AVPR1A: variants seen among roughly 807,000 people sequenced by gnomAD.
AVPR1A encodes vasopressin V1a receptor.
Under a neutral mutation model 31.5 loss-of-function variants are expected in AVPR1A, and 31 were observed. That is an observed-to-expected ratio of 0.99 (90% confidence interval 0.74 to 1.33). AVPR1A has a LOEUF of 1.33. AVPR1A is among the 40% of genes most tolerant of loss of function. The pLI is 0.00. For missense variants in AVPR1A, 570 were observed against 575.2 expected (o/e 0.99, Z 0.09); for synonymous variants, 243 against 233.2 (o/e 1.04, Z -0.38).
rs778992096 is a variant in AVPR1A, at chr12:63,150,017, G to A, written c.820C>T (p.Pro274Ser). ...ATGGACTTCACGCTGCTGACACAGG[G>A]TGCGAGCAGGAACCCCTTTTGGAAG... Reference protein sequence around the residue: ...VAFQKGFLLAPCVSSVKSISR... With the variant: ...VAFQKGFLLASCVSSVKSISR... Residue 274 changes from proline to serine, a missense_variant, in exon 1 of 2, where the codon CCC becomes TCC. Pro to Ser is a moderately conservative substitution (Grantham distance 74). Transcript: ENST00000299178. This position sits in a 1 kb window ranked among gnomAD's most constrained non-coding sequence, Gnocchi z 4.9. The A allele has an allele frequency of 6.2e-7, 1 of 1,614,136 alleles. No individual in the cohort carries two copies. Among genetic ancestry groups the A allele is most frequent in the East Asian group, 2.2e-5 (1 of 44,860 alleles).
chr12:63,148,066 A>G (rs1460470824), intron 1 of AVPR1A, among the ~76,000 whole-genome samples: 1 of 152,164 alleles, frequency 6.6e-6, no homozygotes, highest in Non-Finnish European at 1.5e-5. Context: ...TATCCTAATA[A>G]CTCAGGAAAA....
chr12:63,149,794 TCTCTCACA>T (rs1395270121), intron 1 of AVPR1A, 65 bp downstream of exon 1: 17 of 1,331,844 alleles, frequency 1.3e-5, no homozygotes, highest in African/African-American at 4.9e-5. Context: ...TCTCTCTCTC[TCTCTCACA>T]CACACACACA....
chr12:63,143,255 T>C lies in AVPR1A; in HGVS notation c.*4104A>G, dbSNP rs367959622. 10 of 152,176 alleles carry C rather than the reference T, an allele frequency of 6.6e-5. No individual in the cohort carries two copies. The East Asian group carries it at 1.9e-3, about 29-fold the overall frequency. 9.4% of individuals were successfully genotyped at this position (152,176 alleles called of 1,614,324 possible). On this transcript the variant is annotated 3_prime_UTR_variant, in exon 2 of 2. Transcript: ENST00000299178. ...CAAAAATATTTCATTCATTTTATAA[T>C]ACTTTGTTTTAATTATTATTTAGAA...
rs755128316 is a variant in AVPR1A at position 63,150,802 on chromosome 12, G to T, written c.35C>A (p.Ser12Ter). 4 of 1,592,774 alleles carry T rather than the reference G, an allele frequency of 2.5e-6. No homozygotes were observed. The highest frequency in any genetic ancestry group is 8.5e-7 in the Non-Finnish European group (1 of 1,176,366). Reference protein sequence around the residue: ...RLSAGPDAGPSGNSSPWWPLA... With the variant: ...RLSAGPDAGP Reference sequence around the variant, plus strand: ...AGGCCACCATGGGCTGGAGTTGCCCGAGGGCCCCGCGTCGGGACCGGCGGA... The same window carrying T: ...AGGCCACCATGGGCTGGAGTTGCCCTAGGGCCCCGCGTCGGGACCGGCGGA... The change falls in exon 1 of 2, where the codon TCG becomes TAG. Residue 12 changes from serine (S) to a stop codon, truncating the protein, a stop_gained. Coordinates refer to ENST00000299178, the MANE Select transcript of AVPR1A (RefSeq NM_000706.5). LOFTEE classifies it high-confidence loss of function. The surrounding 1 kb of genome is among the most constrained non-coding windows in gnomAD (Gnocchi z 4.9).
At position 63,150,283 on chromosome 12, in the gene AVPR1A, T is replaced by C; in HGVS notation, c.554A>G (p.Gln185Arg). Reference protein sequence around the residue: ...WVLSFVLSTPQYFVFSMIEVN... With the variant: ...WVLSFVLSTPRYFVFSMIEVN... Reference sequence around the variant, plus strand: ...CTCGATCATGGAGAAGACGAAGTACTGCGGCGTGCTCAGCACGAAGCTCAG... The same window carrying C: ...CTCGATCATGGAGAAGACGAAGTACCGCGGCGTGCTCAGCACGAAGCTCAG... The change falls in exon 1 of 2, where the codon CAG becomes CGG. Residue 185 changes from glutamine to arginine, a missense_variant. Gln to Arg is a conservative substitution (Grantham distance 43). Transcript: ENST00000299178. The surrounding 1 kb of genome is among the most constrained non-coding windows in gnomAD (Gnocchi z 4.9). The C allele has an allele frequency of 6.2e-7, 1 of 1,613,920 alleles. No homozygotes were observed. Among genetic ancestry groups the C allele is most frequent in the Non-Finnish European group, 8.5e-7 (1 of 1,180,034 alleles).
rs751422743 is a variant in AVPR1A, at chr12:63,150,796, T to C, written c.41A>G (p.Asn14Ser). ...GGCCAGAGGCCACCATGGGCTGGAG[T>C]TGCCCGAGGGCCCCGCGTCGGGACC... ...SAGPDAGPSG[N>S]SSPWWPLATG... Residue 14 changes from asparagine to serine, a missense_variant, in exon 1 of 2, where the codon AAC (asparagine) becomes AGC (serine). Coordinates refer to ENST00000299178, the MANE Select transcript of AVPR1A (RefSeq NM_000706.5). This position sits in a 1 kb window ranked among gnomAD's most constrained non-coding sequence, Gnocchi z 4.9. 1.3e-6 allele frequency: 2 copies of C among 1,594,232 alleles called. No homozygotes were observed. The highest frequency in any genetic ancestry group is 2.2e-5 in the South Asian group (2 of 90,888).
chr12:63,144,387 T>C lies in AVPR1A; in HGVS notation c.*2972A>G, dbSNP rs1868342335. ...ATTCATCAAATGCCCAACTGATTAG[T>C]TTCTCCCTACTGGACATTTTTTATA... is the stretch of plus-strand genomic sequence containing the variant. On this transcript the variant is annotated 3_prime_UTR_variant, in exon 2 of 2. Transcript: ENST00000299178. 1 of 152,206 alleles carries C rather than the reference T, an allele frequency of 6.6e-6. No individual in the cohort carries two copies. The highest frequency in any genetic ancestry group is 2.1e-4 in the South Asian group (1 of 4,832). 9.4% of individuals were successfully genotyped at this position (152,206 alleles called of 1,614,324 possible). A position where few individuals can be genotyped will look rare whatever the true frequency, so the allele number is the denominator to read the frequency against.
intron 1 of AVPR1A, among the ~76,000 whole-genome samples, chr12:63,148,328 G>A (rs1259726219): frequency 6.6e-6 from 1 of 152,120 alleles, no homozygotes; most frequent in East Asian, 1.9e-4. Flanking sequence ...ACCTTTCACA[G>A]TGGAGCTACA....
At chr12:63,149,200 G>A (rs1018183929) in intron 1 of AVPR1A, among the ~76,000 whole-genome samples, 1 of 152,046 alleles carries the variant, frequency 6.6e-6, no homozygotes, top group Non-Finnish European at 1.5e-5. Flanking sequence ...CAATAATTCT[G>A]CTTTGAAATA....
In AVPR1A at chr12:63,149,974, C is replaced by A. The variant is rs762498670; in HGVS notation, c.863G>T (p.Arg288Leu). The A allele has an allele frequency of 1.2e-6, 2 of 1,614,140 alleles. No individual in the cohort carries two copies. Among genetic ancestry groups the A allele is most frequent in the South Asian group, 2.2e-5 (2 of 91,080 alleles). ...GATCACAAAAGTCATCTTCACCGTGCGGATCTTGGCCCGGGAAATGGACTT... is the reference window on the plus strand; with the variant it reads ...GATCACAAAAGTCATCTTCACCGTGAGGATCTTGGCCCGGGAAATGGACTT... Reference protein sequence around the residue: ...SVKSISRAKIRTVKMTFVIVT... With the variant: ...SVKSISRAKILTVKMTFVIVT... The change falls in exon 1 of 2, where the codon CGC (arginine) becomes CTC (leucine). Residue 288 changes from arginine (R) to leucine (L), a missense_variant. Transcript: ENST00000299178.
chr12:63,150,991 C>T lies in AVPR1A; in HGVS notation c.-155G>A. The T allele has an allele frequency of 1.7e-6, 2 of 1,161,026 alleles. No individual in the cohort carries two copies. The highest frequency in any genetic ancestry group is 2.3e-6 in the Non-Finnish European group (2 of 852,056). 71.9% of individuals were successfully genotyped at this position (1,161,026 alleles called of 1,614,324 possible). On this transcript the variant is annotated 5_prime_UTR_variant, in exon 1 of 2. Transcript: ENST00000299178. This position sits in a 1 kb window ranked among gnomAD's most constrained non-coding sequence, Gnocchi z 4.9. ...GCTCTGCGATCCCTCCAGTGGGCGT[C>T]TCCCGGAGCAGCGTCCCGCCTGCCC...
Position 63,144,770 on chromosome 12 carries a change from T to C in AVPR1A, c.*2589A>G, listed in dbSNP as rs918877390. 1 of 152,284 alleles carries C rather than the reference T, an allele frequency of 6.6e-6. No individual in the cohort carries two copies. Among genetic ancestry groups the C allele is most frequent in the South Asian group, 2.1e-4 (1 of 4,830 alleles). 9.4% of individuals were successfully genotyped at this position (152,284 alleles called of 1,614,324 possible). On this transcript the variant is annotated 3_prime_UTR_variant, in exon 2 of 2. Transcript: ENST00000299178. ...AACCGCAGAGAATAAGACCATGTAT[T>C]TGCCTAGTGCAGAACTAGCACCCAG...
In AVPR1A at chr12:63,150,844, A is replaced by C; in HGVS notation, c.-8T>G. 6.4e-7 allele frequency: 1 copy of C among 1,564,886 alleles called. No individual in the cohort carries two copies. Among genetic ancestry groups the C allele is most frequent in the South Asian group, 1.1e-5 (1 of 87,662 alleles). On this transcript the variant is annotated 5_prime_UTR_variant, in exon 1 of 2. An upstream start codon of the reference 5' UTR is lost. Coordinates refer to ENST00000299178, the MANE Select transcript of AVPR1A (RefSeq NM_000706.5). This position sits in a 1 kb window ranked among gnomAD's most constrained non-coding sequence, Gnocchi z 4.9. ...ACCGGCGGAGAGACGCATGCTGTCCATGCAGCTCCTACTCGGCCCTCTTCG... is the reference window on the plus strand; with the variant it reads ...ACCGGCGGAGAGACGCATGCTGTCCCTGCAGCTCCTACTCGGCCCTCTTCG...
rs775082681 is a variant in AVPR1A, at chr12:63,150,749, G to A, written c.88C>T (p.Arg30Trp). 9 of 1,600,696 alleles carry A rather than the reference G, an allele frequency of 5.6e-6. No homozygotes were observed. The highest frequency in any genetic ancestry group is 6.8e-6 in the Non-Finnish European group (8 of 1,179,636). ...CCCTCCCCGAGGGCTTCGGCCTCCCGGCTTGTGTTGCCAGCGCCGGTGGCC... is the reference window on the plus strand; with the variant it reads ...CCCTCCCCGAGGGCTTCGGCCTCCCAGCTTGTGTTGCCAGCGCCGGTGGCC... Reference protein sequence around the residue: ...PLATGAGNTSREAEALGEGNG... With the variant: ...PLATGAGNTSWEAEALGEGNG... The change falls in exon 1 of 2, where the codon CGG becomes TGG. Residue 30 changes from arginine to tryptophan, a missense_variant. By Grantham distance (101) the Arg-to-Trp change is moderately radical. Coordinates refer to ENST00000299178, the MANE Select transcript of AVPR1A (RefSeq NM_000706.5). The surrounding 1 kb of genome is among the most constrained non-coding windows in gnomAD (Gnocchi z 4.9).
At chr12:63,149,267 C>T (rs1022501130) in intron 1 of AVPR1A, among the ~76,000 whole-genome samples, 1 of 152,116 alleles carries the variant, frequency 6.6e-6, no homozygotes, top group Non-Finnish European at 1.5e-5. Context: ...GAGAAAGGAA[C>T]ATTATTAGCT....
In AVPR1A at chr12:63,147,499, A is replaced by T. The variant is rs183401493; in HGVS notation, c.1117T>A (p.Phe373Ile). The T allele has an allele frequency of 1.4e-3, 2,237 of 1,614,048 alleles. 44 individuals carry two copies. The East Asian group carries it at 0.041, about 29-fold the overall frequency. Residue 373 changes from phenylalanine (F) to isoleucine (I), a missense_variant, in exon 2 of 2, where the codon TTC (phenylalanine) becomes ATC (isoleucine). Coordinates refer to ENST00000299178, the MANE Select transcript of AVPR1A (RefSeq NM_000706.5). ...FPCCQNMKEK[F>I]NKEDTDSMSR... is the part of the protein sequence containing the mutation. ...ATACTGTCAGTATCTTCTTTGTTGA[A>T]TTTTTCCTTCATGTTTTGGCAGCAT...
rs192411187 is a variant in AVPR1A at position 63,147,345 on chromosome 12, C to A, written c.*14G>T. On this transcript the variant is annotated 3_prime_UTR_variant, in exon 2 of 2. Transcript: ENST00000299178. ...AAAGTCAATCACAAGAATCAAGTTGCATGAATGCAAGGCTCAAGTTGAAAC... is the reference window on the plus strand; with the variant it reads ...AAAGTCAATCACAAGAATCAAGTTGAATGAATGCAAGGCTCAAGTTGAAAC... The A allele has an allele frequency of 4.4e-6, 7 of 1,606,618 alleles. No homozygotes were observed. The South Asian group carries it at 6.6e-5, about 15-fold the overall frequency.
Position 63,150,926 on chromosome 12 carries a change from T to A in AVPR1A, c.-90A>T. ...CGTCTCGGAGGACTTGGGCTCCTCG[T>A]CCGAAGCGCAGGGTCTTTGGCGCGC... On this transcript the variant is annotated 5_prime_UTR_variant, in exon 1 of 2. Coordinates refer to ENST00000299178, the MANE Select transcript of AVPR1A (RefSeq NM_000706.5). This position sits in a 1 kb window ranked among gnomAD's most constrained non-coding sequence, Gnocchi z 4.9. 7.0e-7 allele frequency: 1 copy of A among 1,434,782 alleles called. No homozygotes were observed. The highest frequency in any genetic ancestry group is 9.1e-7 in the Non-Finnish European group (1 of 1,099,530). The allele number at this position is 1,434,782 out of a possible 1,614,324, so 88.9% of individuals were successfully genotyped here.
In AVPR1A at chr12:63,150,705, G is replaced by T. The variant is rs758324485; in HGVS notation, c.132C>A (p.Asp44Glu). The change falls in exon 1 of 2, where the codon GAC becomes GAA. Residue 44 changes from aspartate (D) to glutamate (E), a missense_variant. Coordinates refer to ENST00000299178, the MANE Select transcript of AVPR1A (RefSeq NM_000706.5). This position sits in a 1 kb window ranked among gnomAD's most constrained non-coding sequence, Gnocchi z 4.9. ...GTTTGGCCAGCTCCTCGTTGCGCAC[G>T]TCCCTCGGTGGGCCGTTGCCCTCCC... is the stretch of plus-strand genomic sequence containing the variant. ...ALGEGNGPPR[D>E]VRNEELAKLE... 5.0e-6 allele frequency: 8 copies of T among 1,606,104 alleles called. No homozygotes were observed. In the South Asian group the frequency reaches 6.6e-5, roughly 13 times the overall value.
Sources: gnomAD v4.1 joint callset for allele counts (sites outside exome capture counted in the v4.1 genomes callset) on GRCh38, gnomAD v4.1.1 for gene constraint, Gnocchi (gnomAD v3.1) non-coding constraint, MANE v1.5 for transcripts, NCBI Gene and HGNC (gene_info 2026-07-23, HGNC 2026-07-21) for gene names.